CCDC93: variants seen among roughly 807,000 people sequenced by gnomAD.
The protein encoded by CCDC93 is coiled-coil domain-containing protein 93.
In CCDC93, 61 loss-of-function variants were observed where a neutral mutation model predicts 108.2. The observed-to-expected ratio is 0.56, with a 90% CI of 0.46 to 0.70. CCDC93 has a LOEUF of 0.70. Ranked by LOEUF, CCDC93 falls within the 30% of genes least tolerant of loss-of-function variation. The probability of loss-of-function intolerance (pLI) is 0.00; values close to 1 mark genes in which losing one functional copy is unlikely to be tolerated. For synonymous variants in CCDC93, 276 were observed against 260.4 expected, an observed-to-expected ratio of 1.06 and a Z score of -0.58; for missense variants, 685 against 764.2, an observed-to-expected ratio of 0.90 and a Z score of 1.22.
intron 8 of CCDC93, among the ~76,000 whole-genome samples, chr2:117,976,123 A>G (rs1000297596): frequency 2.0e-5 from 3 of 152,172 alleles, no homozygotes; most frequent in Admixed American, 2.0e-4. Flanking sequence ...ATGCTTTTCT[A>G]TAACGAGTCT....
At chr2:118,005,165 A>G (rs998585440) in intron 3 of CCDC93, among the ~76,000 whole-genome samples, 1 of 152,198 alleles carries the variant, frequency 6.6e-6, no homozygotes, top group African/African-American at 2.4e-5. Context: ...ATAGAAAAAT[A>G]CTGTGTTCCC....
At chr2:117,922,149 C>G (rs1349483088) in intron 23 of CCDC93, among the ~76,000 whole-genome samples, 1 of 152,104 alleles carries the variant, frequency 6.6e-6, no homozygotes, top group Non-Finnish European at 1.5e-5. Flanking sequence ...TTTAAACTGT[C>G]ACCCACCTCA....
At chr2:117,977,831 G>A (rs1376667958) in intron 8 of CCDC93, among the ~76,000 whole-genome samples, 163 bp downstream of exon 8, 1 of 152,162 alleles carries the variant, frequency 6.6e-6, no homozygotes, top group Non-Finnish European at 1.5e-5. Context: ...CTGTAGAGGT[G>A]GCTAGCTAGA....
chr2:117,924,850 G>GA (rs1023138611), intron 23 of CCDC93, among the ~76,000 whole-genome samples: 32 of 152,068 alleles, frequency 2.1e-4, no homozygotes, highest in African/African-American at 7.0e-4. Context: ...AGTTGAAATG[G>GA]AAAAAATGTT....
intron 20 of CCDC93, 123 bp downstream of exon 20, chr2:117,938,906 T>A: frequency 1.7e-6 from 1 of 585,148 alleles, no homozygotes; most frequent in Non-Finnish European, 3.1e-6. Context: ...ACTTAGCATA[T>A]AAAATAGGCA....
chr2:117,927,750 A>G (rs1490346669), intron 23 of CCDC93, among the ~76,000 whole-genome samples: 4 of 152,182 alleles, frequency 2.6e-5, no homozygotes, highest in Admixed American at 2.6e-4. Flanking sequence ...ACAGAATTGG[A>G]AAAAACTACT....
chr2:117,945,382 T>G, intron 17 of CCDC93, 147 bp downstream of exon 17: 1 of 647,534 alleles, frequency 1.5e-6, no homozygotes, highest in Non-Finnish European at 2.7e-6. Context: ...CCTAGCTGTA[T>G]CAAACAGGAC....
At chr2:117,951,264 C>T (rs376598547) in intron 13 of CCDC93, 15 of 985,222 alleles carry the variant, frequency 1.5e-5, no homozygotes, top group Admixed American at 1.2e-4. Flanking sequence ...CCATCTAATC[C>T]GTAAGGAACC....
At chr2:117,993,409 AAT>A (rs1263268964) in intron 6 of CCDC93, among the ~76,000 whole-genome samples, 38 of 150,410 alleles carry the variant, frequency 2.5e-4, no homozygotes, top group African/African-American at 9.2e-4. Flanking sequence ...AAAAAAAAAA[AAT>A]TAATGTTTGA....
At chr2:117,974,134 C>T in intron 10 of CCDC93, 140 bp from the exon 11 acceptor site, 1 of 677,858 alleles carries the variant, frequency 1.5e-6, no homozygotes, top group Admixed American at 2.2e-5. Context: ...GGCTTTGCCA[C>T]ATATTACCAA....
chr2:117,943,815 T>C (rs1449119426), intron 18 of CCDC93, among the ~76,000 whole-genome samples: 1 of 152,184 alleles, frequency 6.6e-6, no homozygotes, highest in Non-Finnish European at 1.5e-5. Flanking sequence ...AAAGGAGTGG[T>C]TGTGAAAGTA....
At chr2:117,996,542 T>A in intron 4 of CCDC93, 180 bp from the exon 5 acceptor site, 1 of 538,624 alleles carries the variant, frequency 1.9e-6, no homozygotes, top group South Asian at 2.2e-5. Context: ...ATCCAAGATG[T>A]TAAGATCCAA....
At chr2:117,966,015 C>T (rs1679557043) in intron 11 of CCDC93, among the ~76,000 whole-genome samples, 1 of 152,128 alleles carries the variant, frequency 6.6e-6, no homozygotes, top group Admixed American at 6.5e-5. Flanking sequence ...AACGTGAAGG[C>T]AACTACTAAG....
intron 1 of CCDC93, 59 bp downstream of exon 1, chr2:118,013,895 G>A (rs1677088343): frequency 2.1e-6 from 3 of 1,443,202 alleles, no homozygotes; most frequent in Non-Finnish European, 2.8e-6. Flanking sequence ...CCGCCGCCCC[G>A]CGGCTCGGCC....
chr2:117,950,118 A>T, intron 13 of CCDC93: 1 of 985,462 alleles, frequency 1.0e-6, no homozygotes, highest in Non-Finnish European at 1.2e-6. Context: ...AGCAAACAGT[A>T]GGTAGATCCC....
Position 117,975,170 on chromosome 2 carries a change from C to T in CCDC93, c.750+18G>A. On this transcript the variant is annotated intron_variant, in intron 9 of 23. Transcript: ENST00000376300. ...TGACTTACACAGAAACCTCAGAGGGCCTACATGGACCACACACCTCTTCAG... is the reference window on the plus strand; with the variant it reads ...TGACTTACACAGAAACCTCAGAGGGTCTACATGGACCACACACCTCTTCAG... 1 of 1,600,714 alleles carries T rather than the reference C, an allele frequency of 6.2e-7. No homozygotes were observed. Among genetic ancestry groups the T allele is most frequent in the Non-Finnish European group, 8.6e-7 (1 of 1,168,318 alleles).
At chr2:117,961,791 C>T (rs1679403790) in intron 11 of CCDC93, among the ~76,000 whole-genome samples, 2 of 152,186 alleles carry the variant, frequency 1.3e-5, no homozygotes, top group South Asian at 4.1e-4. Context: ...TATACTAAAT[C>T]CTTGACAGAA....
At position 117,948,189 on chromosome 2, in the gene CCDC93, GAAGAGAA is replaced by G; in HGVS notation, c.1143-10_1143-4del. ...GTGCTCTCAGGTTCTGTAGGATACT[GAAGAGAA>G]AAGACAAAAAAATGACATATGGCAG... On this transcript the variant is annotated splice_polypyrimidine_tract_variant and splice_region_variant and intron_variant, in intron 14 of 23. Transcript: ENST00000376300. 6.2e-7 allele frequency: 1 copy of G among 1,608,052 alleles called. No homozygotes were observed. Among genetic ancestry groups the G allele is most frequent in the Non-Finnish European group, 8.5e-7 (1 of 1,175,808 alleles).
intron 12 of CCDC93, among the ~76,000 whole-genome samples, chr2:117,953,295 A>T (rs182208342): frequency 6.6e-6 from 1 of 152,198 alleles, no homozygotes; most frequent in East Asian, 1.9e-4. Flanking sequence ...ACTCCAATCT[A>T]GCTACTAGTC....
Sources: allele counts gnomAD v4.1 joint callset (sites outside exome capture counted in the v4.1 genomes callset), GRCh38; gene constraint gnomAD v4.1.1; transcripts MANE v1.5; gene names NCBI Gene and HGNC (gene_info 2026-07-23, HGNC 2026-07-21).